The following TPTE2 variants were observed in gnomAD, a reference collection of about 807,000 sequenced individuals.
TPTE2 encodes the protein transmembrane phosphoinositide 3-phosphatase and tensin homolog 2, also known as phosphatidylinositol 3,4,5-trisphosphate 3-phosphatase TPTE2.
In TPTE2, 53 loss-of-function variants were observed where a neutral mutation model predicts 78.6. That is an observed-to-expected ratio of 0.67 (90% CI 0.54 to 0.85). TPTE2 has a LOEUF of 0.85. Ranked by LOEUF, TPTE2 falls within the 40% of genes least tolerant of loss-of-function variation. The pLI is 0.00. For synonymous variants in TPTE2, 175 were observed against 206.2 expected (o/e 0.85, Z 1.30); for missense variants, 461 against 623.0 (o/e 0.74, Z 2.77).
At chr13:19,455,541 T>C (rs1464567554) in intron 10 of TPTE2, among the ~76,000 whole-genome samples, 1 of 148,182 alleles carries the variant, frequency 6.7e-6, no homozygotes, top group Admixed American at 6.9e-5. Flanking sequence ...AGATGGAGGA[T>C]GAAGATAAGT....
chr13:19,560,574 C>T, the TPTE2 span: 14 of 1,599,536 alleles, frequency 8.8e-6, no homozygotes, highest in African/African-American at 9.4e-5. Flanking sequence ...TGATGGTGAC[C>T]ACGATCTCTC....
intron 13 of TPTE2, among the ~76,000 whole-genome samples, chr13:19,441,603 C>A (rs183776854): frequency 5.3e-4 from 81 of 152,308 alleles, no homozygotes; most frequent in Middle Eastern, 6.8e-3. Flanking sequence ...CATTCACTAA[C>A]ATTCAGCCTG....
At chr13:19,525,740 C>G (rs141648951) in intron 1 of TPTE2, among the ~76,000 whole-genome samples, 3,849 of 152,104 alleles carry the variant, frequency 0.025, 124 homozygotes, top group African/African-American at 0.074. Flanking sequence ...AAACTATCAA[C>G]AGATTGAACA....
chr13:19,465,809 C>G (rs562985868), intron 7 of TPTE2, among the ~76,000 whole-genome samples: 1 of 152,164 alleles, frequency 6.6e-6, no homozygotes, highest in African/African-American at 2.4e-5. Context: ...TGCTAAACAC[C>G]CTACAATTAA....
chr13:19,545,433 T>G, the TPTE2 span, among the ~76,000 whole-genome samples: 4 of 152,142 alleles, frequency 2.6e-5, no homozygotes, highest in Non-Finnish European at 5.9e-5. Flanking sequence ...GAAATTAAAA[T>G]GGAAAGAGGA....
At chr13:19,518,063 T>G (rs1046273461) in intron 1 of TPTE2, among the ~76,000 whole-genome samples, 1 of 152,204 alleles carries the variant, frequency 6.6e-6, no homozygotes, top group Admixed American at 6.5e-5. Context: ...TGAATAACTA[T>G]GTTTGTTTAA....
the TPTE2 span, among the ~76,000 whole-genome samples, chr13:19,546,179 CAG>C: frequency 6.6e-6 from 1 of 152,068 alleles, no homozygotes; most frequent in Non-Finnish European, 1.5e-5. Flanking sequence ...GCCTGGAAGA[CAG>C]AGTGACACCA....
intron 1 of TPTE2, among the ~76,000 whole-genome samples, chr13:19,524,346 T>C (rs1268816447): frequency 3.3e-5 from 5 of 152,182 alleles, no homozygotes; most frequent in Admixed American, 3.3e-4. Flanking sequence ...GGAATTTGAA[T>C]TTACACCATA....
chr13:19,452,971 AT>A (rs1202932954), intron 10 of TPTE2, among the ~76,000 whole-genome samples: 22 of 66,074 alleles, frequency 3.3e-4, no homozygotes, highest in Admixed American at 8.7e-4. Context: ...ATTTTATTTT[AT>A]TTTATTTTAT....
At chr13:19,458,150 A>AT (rs1281799071) in intron 10 of TPTE2, among the ~76,000 whole-genome samples, 2 of 152,210 alleles carry the variant, frequency 1.3e-5, no homozygotes, top group Non-Finnish European at 2.9e-5. Flanking sequence ...ACAAAGTCTA[A>AT]TCATATCTTT....
intron 10 of TPTE2, among the ~76,000 whole-genome samples, chr13:19,452,739 T>G (rs1421263571): frequency 1.3e-5 from 2 of 152,092 alleles, no homozygotes; most frequent in East Asian, 1.9e-4. Context: ...GCTCTCGGAA[T>G]TGGCAATATA....
chr13:19,482,848 A>C (rs1301500671), intron 3 of TPTE2, among the ~76,000 whole-genome samples: 2 of 150,938 alleles, frequency 1.3e-5, no homozygotes, highest in East Asian at 3.9e-4. Context: ...CAGATATATA[A>C]TATATAAATA....
chr13:19,490,665 C>T (rs960164651), intron 3 of TPTE2, among the ~76,000 whole-genome samples: 3 of 152,186 alleles, frequency 2.0e-5, no homozygotes, highest in Non-Finnish European at 1.5e-5. Context: ...GATGTCTTTC[C>T]TGCCCCTCAG....
At chr13:19,496,361 C>CGACA (rs1309740900) in intron 1 of TPTE2, among the ~76,000 whole-genome samples, 4 of 152,230 alleles carry the variant, frequency 2.6e-5, no homozygotes, top group African/African-American at 9.6e-5. Context: ...GGCCAATGCA[C>CGACA]GACAGCCTTT....
chr13:19,458,195 G>A (rs1035284837), intron 10 of TPTE2, among the ~76,000 whole-genome samples: 11 of 152,072 alleles, frequency 7.2e-5, no homozygotes, highest in African/African-American at 1.4e-4. Context: ...TCACTGAATT[G>A]GAATTACTAT....
rs192472987 is a variant in TPTE2, at chr13:19,477,209, A to T, written c.180-1586T>A. On this transcript the variant is annotated intron_variant, in intron 4 of 19. Coordinates refer to ENST00000400230, the Ensembl canonical transcript of TPTE2. ...AGGAAATAGACACTGGGGTCTACTT[A>T]AGTGGGGAGGGTAGGAGGAGAGAGA... Among the ~76,000 whole-genome samples the T allele has an allele frequency of 1.2e-3, 178 of 152,098 alleles. 1 individual carries two copies. Among genetic ancestry groups the T allele is most frequent in the Non-Finnish European group, 1.1e-3 (78 of 67,968 alleles).
At chr13:19,475,431 A>C in intron 5 of TPTE2, 142 bp downstream of exon 8, 1 of 679,436 alleles carries the variant, frequency 1.5e-6, no homozygotes, top group Non-Finnish European at 2.2e-6. Flanking sequence ...TCACCATGTT[A>C]GCCAGGCTGG....
chr13:19,456,103 A>C (rs1252161691), intron 10 of TPTE2, among the ~76,000 whole-genome samples: 1 of 152,212 alleles, frequency 6.6e-6, no homozygotes. Context: ...ATGATTGCAT[A>C]CATTTTAAAA....
intron 3 of TPTE2, among the ~76,000 whole-genome samples, chr13:19,485,500 C>A (rs1756057713): frequency 6.6e-6 from 1 of 152,094 alleles, no homozygotes; most frequent in South Asian, 2.1e-4. Flanking sequence ...TGATTTTTCA[C>A]AATTTGACTA....
Sources: allele counts gnomAD v4.1 joint callset (sites outside exome capture counted in the v4.1 genomes callset), GRCh38; gene constraint gnomAD v4.1.1; transcripts MANE v1.5; gene names NCBI Gene and HGNC (gene_info 2026-07-23, HGNC 2026-07-21).